The following GATAD2B variants were observed in gnomAD, a reference collection of about 807,000 sequenced individuals.
GATAD2B encodes the protein GATA zinc finger domain containing 2B.
A neutral mutation model predicts 64.3 loss-of-function variants in GATAD2B; 8 were observed. The ratio of observed to expected loss-of-function variants is 0.12; its 90% CI spans 0.07 to 0.22. The LOEUF (loss-of-function observed/expected upper bound fraction) is 0.22, where lower values mean the gene tolerates loss of function less well. GATAD2B is among the 10% of genes least tolerant of loss of function. The pLI is 1.00. For missense variants in GATAD2B, 453 were observed against 752.0 expected (o/e 0.60, Z 4.65); for synonymous variants, 281 against 271.3 (o/e 1.04, Z -0.35).
At chr1:153,902,945 C>T (rs1677823173) in intron 1 of GATAD2B, among the ~76,000 whole-genome samples, 2 of 152,124 alleles carry the variant, frequency 1.3e-5, no homozygotes, top group South Asian at 2.1e-4. Context: ...CAGCCGGCCG[C>T]GGTGGCTCAC....
At chr1:153,872,972 C>T in intron 1 of GATAD2B, among the ~76,000 whole-genome samples, 1 of 146,324 alleles carries the variant, frequency 6.8e-6, no homozygotes, top group South Asian at 2.2e-4. Flanking sequence ...TTAAATGAAA[C>T]TTTTTTTTTT....
chr1:153,902,558 G>A (rs1289542371), intron 1 of GATAD2B, among the ~76,000 whole-genome samples: 1 of 152,052 alleles, frequency 6.6e-6, no homozygotes, highest in African/African-American at 2.4e-5. Flanking sequence ...GGGCTCAAGG[G>A]ATTCTCTTAC....
intron 1 of GATAD2B, among the ~76,000 whole-genome samples, chr1:153,871,159 C>T (rs1340578221): frequency 3.3e-5 from 5 of 152,090 alleles, no homozygotes; most frequent in African/African-American, 7.2e-5. Flanking sequence ...CTCTGCCTCC[C>T]GGGTTCAAGT....
chr1:153,922,445 G>A (rs949976775), intron 1 of GATAD2B, among the ~76,000 whole-genome samples: 3 of 150,786 alleles, frequency 2.0e-5, no homozygotes, highest in Non-Finnish European at 3.0e-5. Flanking sequence ...CTGGGGGCGC[G>A]CGAGGCCGAA....
intron 1 of GATAD2B, among the ~76,000 whole-genome samples, chr1:153,910,889 TGC>T (rs1239391477): frequency 1.3e-5 from 2 of 152,352 alleles, no homozygotes; most frequent in African/African-American, 2.4e-5. Flanking sequence ...CTGTATTAAA[TGC>T]ATTTCTGACT....
At position 153,813,398 on chromosome 1, in the gene GATAD2B, C is replaced by T. The variant is rs375391021; in HGVS notation, c.1271G>A (p.Arg424His). 1.8e-5 allele frequency: 29 copies of T among 1,613,820 alleles called. No homozygotes were observed. Among genetic ancestry groups the T allele is most frequent in the East Asian group, 6.7e-5 (3 of 44,888 alleles). Residue 424 changes from arginine (R) to histidine (H), a missense_variant, in exon 8 of 11, where the codon CGC becomes CAC. Arg to His is a conservative substitution (Grantham distance 29). Coordinates refer to ENST00000368655, the MANE Select transcript of GATAD2B (RefSeq NM_020699.4). ...CTTCCAGTGAGGGGTGAAATCTGTGCGGCACTGGGCACATACAAAGGGTTC... is the reference window on the plus strand; with the variant it reads ...CTTCCAGTGAGGGGTGAAATCTGTGTGGCACTGGGCACATACAAAGGGTTC... ...RVEPFVCAQCRTDFTPHWKQE... is the reference protein window; with the variant it reads ...RVEPFVCAQCHTDFTPHWKQE...
At chr1:153,844,914 A>AT (rs1675628506) in intron 1 of GATAD2B, among the ~76,000 whole-genome samples, 2 of 148,176 alleles carry the variant, frequency 1.3e-5, no homozygotes, top group African/African-American at 2.5e-5. Flanking sequence ...AAGTATAATA[A>AT]AAAAAAAAAA....
chr1:153,833,300 C>T (rs1024442236), intron 1 of GATAD2B, among the ~76,000 whole-genome samples: 1 of 152,174 alleles, frequency 6.6e-6, no homozygotes, highest in Non-Finnish European at 1.5e-5. Context: ...GACAGCACAT[C>T]TGTTTACAGT....
intron 1 of GATAD2B, among the ~76,000 whole-genome samples, chr1:153,866,012 C>G (rs572088339): frequency 6.6e-6 from 1 of 152,074 alleles, no homozygotes; most frequent in African/African-American, 2.4e-5. Context: ...CAAGACCAGC[C>G]TGGCCAACAT....
At chr1:153,867,823 G>A (rs1412138367) in intron 1 of GATAD2B, among the ~76,000 whole-genome samples, 1 of 151,782 alleles carries the variant, frequency 6.6e-6, no homozygotes, top group African/African-American at 2.4e-5. Flanking sequence ...CGGTGCCACT[G>A]CACTCCATCC....
At chr1:153,856,926 G>C (rs1350641494) in intron 1 of GATAD2B, among the ~76,000 whole-genome samples, 1 of 152,012 alleles carries the variant, frequency 6.6e-6, no homozygotes, top group Non-Finnish European at 1.5e-5. Context: ...TGGCTTGTAA[G>C]GGATTAAATT....
chr1:153,810,708 A>T (rs765743052), intron 10 of GATAD2B, among the ~76,000 whole-genome samples: 1 of 151,606 alleles, frequency 6.6e-6, no homozygotes, highest in South Asian at 2.1e-4. Flanking sequence ...CAACGGCCTC[A>T]GCCTCCCAAA....
chr1:153,845,997 T>C (rs1249424783), intron 1 of GATAD2B, among the ~76,000 whole-genome samples: 1 of 149,714 alleles, frequency 6.7e-6, no homozygotes. Context: ...GCCTTAAAGT[T>C]TGTCTTATAT....
intron 1 of GATAD2B, among the ~76,000 whole-genome samples, chr1:153,836,569 A>AAAAAAAAAAAATCAGCC (rs146947256): frequency 6.1e-4 from 90 of 147,160 alleles, no homozygotes; most frequent in Middle Eastern, 3.6e-3. Context: ...TTAAAAAAAA[A>AAAAAAAAAAAATCAGCC]AGGCATGGTG....
At chr1:153,919,067 C>G (rs1243152383) in intron 1 of GATAD2B, among the ~76,000 whole-genome samples, 1 of 152,188 alleles carries the variant, frequency 6.6e-6, no homozygotes, top group East Asian at 1.9e-4. Context: ...TAGCAGTTTA[C>G]TAGTTATTAT....
At chr1:153,896,704 G>A (rs1025694079) in intron 1 of GATAD2B, among the ~76,000 whole-genome samples, 1 of 152,024 alleles carries the variant, frequency 6.6e-6, no homozygotes, top group East Asian at 1.9e-4. Context: ...CCAAAGTGCT[G>A]GGATTACAGG....
intron 1 of GATAD2B, among the ~76,000 whole-genome samples, chr1:153,849,078 T>C (rs1466737632): frequency 1.3e-5 from 2 of 151,914 alleles, no homozygotes; most frequent in African/African-American, 4.8e-5. Context: ...GCCAAACTCC[T>C]TGAGCTCAAA....
At chr1:153,855,720 G>GCTACT (rs1676062357) in intron 1 of GATAD2B, among the ~76,000 whole-genome samples, 1 of 151,976 alleles carries the variant, frequency 6.6e-6, no homozygotes, top group South Asian at 2.1e-4. Flanking sequence ...TGTCACCTGG[G>GCTACT]CTGGAGTACA....
In GATAD2B at chr1:153,879,042, C is replaced by A. The variant is rs184535383; in HGVS notation, c.-2+43691G>T. ...GCAACCTCCGCCTCCCGGGTTCAAGCGATTCTCCTGCCTCAGCCTCCCGAG... is the reference window on the plus strand; with the variant it reads ...GCAACCTCCGCCTCCCGGGTTCAAGAGATTCTCCTGCCTCAGCCTCCCGAG... On this transcript the variant is annotated intron_variant, in intron 1 of 10. Transcript: ENST00000368655. 1.8e-3 allele frequency among the ~76,000 whole-genome samples: 268 copies of A among 151,964 alleles called. 10 individuals are homozygous for A. Among genetic ancestry groups the A allele is most frequent in the Admixed American group, 0.016 (249 of 15,242 alleles).
Sources: allele counts gnomAD v4.1 joint callset (sites outside exome capture counted in the v4.1 genomes callset), GRCh38; gene constraint gnomAD v4.1.1; transcripts MANE v1.5; gene names NCBI Gene and HGNC (gene_info 2026-07-23, HGNC 2026-07-21).